RBFOX1: variants seen among roughly 807,000 people sequenced by gnomAD.
The protein encoded by RBFOX1 is RNA binding fox-1 homolog 1.
In RBFOX1, 8 loss-of-function variants were observed where a neutral mutation model predicts 57.7. The observed-to-expected ratio is 0.14, with a 90% CI of 0.08 to 0.25. The LOEUF (loss-of-function observed/expected upper bound fraction) is 0.25, where lower values mean the gene tolerates loss of function less well. Among genes scored for constraint, RBFOX1 ranks in the 10% least tolerant of loss-of-function variants. RBFOX1 has a pLI of 1.00. For synonymous variants in RBFOX1, 326 were observed against 222.4 expected, an observed-to-expected ratio of 1.47 and a Z score of -4.15; for missense variants, 611 against 548.5, an observed-to-expected ratio of 1.11 and a Z score of -1.14.
intron 3 of RBFOX1, among the ~76,000 whole-genome samples, chr16:5,633,982 G>C (rs1432214297): frequency 6.6e-6 from 1 of 152,114 alleles, no homozygotes; most frequent in Non-Finnish European, 1.5e-5. Flanking sequence ...AAGGCCAATT[G>C]TGAGCTGTTA....
At chr16:7,676,647 G>C in intron 13 of RBFOX1, 127 bp from the exon 14 acceptor site, 3 of 795,704 alleles carry the variant, frequency 3.8e-6, no homozygotes, top group Non-Finnish European at 6.4e-6. Flanking sequence ...TTGATACTAA[G>C]CTTTCATTAA....
intron 3 of RBFOX1, among the ~76,000 whole-genome samples, chr16:6,691,742 AT>A (rs2060242039): frequency 6.6e-6 from 1 of 152,200 alleles, no homozygotes; most frequent in Non-Finnish European, 1.5e-5. Context: ...TGGCCAAGGA[AT>A]TTTGCAGATA....
intron 2 of RBFOX1, among the ~76,000 whole-genome samples, chr16:5,539,319 A>C (rs2044835027): frequency 6.6e-6 from 1 of 152,102 alleles, no homozygotes; most frequent in South Asian, 2.1e-4. Context: ...GGGGCCAGCT[A>C]TGATGGCTCA....
At chr16:6,248,486 G>T (rs371727638) in intron 1 of RBFOX1, among the ~76,000 whole-genome samples, 3 of 152,138 alleles carry the variant, frequency 2.0e-5, no homozygotes, top group African/African-American at 4.8e-5. Flanking sequence ...AGCAATGTGC[G>T]TAGAGTATAT....
chr16:7,126,394 C>G (rs1050952332), intron 4 of RBFOX1: 13 of 242,928 alleles, frequency 5.4e-5, no homozygotes, highest in Non-Finnish European at 8.4e-5. Flanking sequence ...TTCCTGACTA[C>G]TTTACTGTGA....
chr16:6,176,054 A>G (rs185932653), intron 1 of RBFOX1, among the ~76,000 whole-genome samples: 5 of 152,266 alleles, frequency 3.3e-5, no homozygotes, highest in Admixed American at 3.3e-4. Flanking sequence ...CCAGGCTGCA[A>G]AACTATTGGT....
intron 1 of RBFOX1, among the ~76,000 whole-genome samples, chr16:6,107,797 C>G (rs2096400327): frequency 1.3e-5 from 2 of 151,748 alleles, no homozygotes; most frequent in Admixed American, 6.6e-5. Flanking sequence ...GGATGAATAG[C>G]AATTTCTAGA....
intron 2 of RBFOX1, among the ~76,000 whole-genome samples, chr16:5,573,559 C>A (rs117891611): frequency 6.6e-6 from 1 of 152,142 alleles, no homozygotes; most frequent in Admixed American, 6.5e-5. Flanking sequence ...CAGAAATCAA[C>A]CTGAGCTTCC....
chr16:7,710,313 G>C (rs2083790694), intron 15 of RBFOX1: 1 of 1,186,840 alleles, frequency 8.4e-7, no homozygotes, highest in East Asian at 5.3e-5. Flanking sequence ...AACCTCAAGT[G>C]CAGATTATTC....
chr16:5,780,431 T>C (rs1005511467), intron 3 of RBFOX1, among the ~76,000 whole-genome samples: 7 of 152,252 alleles, frequency 4.6e-5, no homozygotes, highest in Admixed American at 4.6e-4. Flanking sequence ...TATTATGTGG[T>C]TGGCATGTAC....
At chr16:5,963,059 G>A (rs567305754) in intron 4 of RBFOX1, among the ~76,000 whole-genome samples, 18 of 152,168 alleles carry the variant, frequency 1.2e-4, no homozygotes, top group African/African-American at 4.3e-4. Flanking sequence ...TATCCTGATC[G>A]TAATATGTGA....
chr16:5,820,652 C>G (rs563936374), intron 3 of RBFOX1, among the ~76,000 whole-genome samples: 1 of 152,174 alleles, frequency 6.6e-6, no homozygotes, highest in African/African-American at 2.4e-5. Context: ...TGAATCAGCT[C>G]TGAAATCATT....
At chr16:7,489,408 G>T (rs1053034135) in intron 4 of RBFOX1, among the ~76,000 whole-genome samples, 6 of 152,124 alleles carry the variant, frequency 3.9e-5, no homozygotes, top group Non-Finnish European at 5.9e-5. Flanking sequence ...AGTACTTTAT[G>T]TATTAATCCC....
chr16:5,363,874 C>G (rs933658475), intron 1 of RBFOX1, among the ~76,000 whole-genome samples: 1 of 152,158 alleles, frequency 6.6e-6, no homozygotes, highest in Non-Finnish European at 1.5e-5. Flanking sequence ...CATTTTTCTG[C>G]CTAGGCGTTT....
At chr16:6,555,699 G>GA (rs35609004) in intron 2 of RBFOX1, among the ~76,000 whole-genome samples, 149 of 149,202 alleles carry the variant, frequency 1.0e-3, no homozygotes, top group Admixed American at 1.3e-3. Context: ...GACTCTGTCT[G>GA]AAAAAAAAAC....
At chr16:7,460,389 A>ATATATATATGTGTGTG in intron 4 of RBFOX1, among the ~76,000 whole-genome samples, 23 of 87,260 alleles carry the variant, frequency 2.6e-4, no homozygotes, top group African/African-American at 8.5e-4. Context: ...ATATATATAT[A>ATATATATATGTGTGTG]TGTGTGTGTG....
chr16:5,515,872 A>AT (rs138439518), intron 2 of RBFOX1, among the ~76,000 whole-genome samples: 1,984 of 152,188 alleles, frequency 0.013, 52 homozygotes, highest in African/African-American at 0.046. Context: ...TTTTGTGTGC[A>AT]TTTTCTCACC....
At chr16:6,788,736 G>C (rs181868370) in intron 3 of RBFOX1, among the ~76,000 whole-genome samples, 2 of 147,982 alleles carry the variant, frequency 1.4e-5, no homozygotes, top group South Asian at 4.3e-4. Flanking sequence ...CGGCCTCCCA[G>C]AGTGCTGGGA....
At chr16:6,918,275 C>G (rs975377369) in intron 3 of RBFOX1, among the ~76,000 whole-genome samples, 3 of 130,012 alleles carry the variant, frequency 2.3e-5, no homozygotes, top group Non-Finnish European at 5.0e-5. Flanking sequence ...GAGCAAGACT[C>G]CATCTCAAAA....
Sources: gnomAD v4.1 joint callset for allele counts (sites outside exome capture counted in the v4.1 genomes callset) on GRCh38, gnomAD v4.1.1 for gene constraint, MANE v1.5 for transcripts, NCBI Gene and HGNC (gene_info 2026-07-23, HGNC 2026-07-21) for gene names.